Variants in NRCAM observed in about 807,000 individuals in gnomAD.
NRCAM encodes NgCAM-related cell adhesion molecule.
A neutral mutation model predicts 156.5 loss-of-function variants in NRCAM; 83 were observed. The ratio of observed to expected loss-of-function variants is 0.53; its 90% CI spans 0.44 to 0.64. NRCAM has a LOEUF of 0.64. NRCAM is among the 30% of genes least tolerant of loss of function. NRCAM has a pLI of 0.00. For synonymous variants in NRCAM, 538 were observed against 563.9 expected, an observed-to-expected ratio of 0.95 and a Z score of 0.65; for missense variants, 1,417 against 1,597.3, an observed-to-expected ratio of 0.89 and a Z score of 1.92.
chr7:108,422,773 T>C (rs751873734), intron 1 of NRCAM, among the ~76,000 whole-genome samples: 33 of 152,120 alleles, frequency 2.2e-4, no homozygotes, highest in African/African-American at 4.8e-4. Flanking sequence ...TTTCTAAATA[T>C]ATAAAAGAGG....
intron 32 of NRCAM, chr7:108,150,795 A>G (rs2041024287): frequency 2.1e-6 from 1 of 480,586 alleles, no homozygotes; most frequent in African/African-American, 2.0e-5. Flanking sequence ...AGTACACAGT[A>G]TTTTTTTGTT....
chr7:108,272,030 G>A lies in NRCAM; in HGVS notation c.-106-31860C>T, dbSNP rs552007359. Among the ~76,000 whole-genome samples, 5 of 152,218 alleles carry A rather than the reference G, an allele frequency of 3.3e-5. No homozygotes were observed. The South Asian group carries it at 1.0e-3, about 32-fold the overall frequency. On this transcript the variant is annotated intron_variant, in intron 3 of 32. Transcript: ENST00000379028. The stretch of plus-strand genomic sequence containing the variant: ...AAAGGGAAAAAGCTAAAAATGTCTT[G>A]GTACTAATTTTAACTGTATGTAATG...
intron 3 of NRCAM, among the ~76,000 whole-genome samples, chr7:108,247,760 C>T (rs1457333935): frequency 1.3e-5 from 2 of 152,178 alleles, no homozygotes; most frequent in African/African-American, 2.4e-5. Flanking sequence ...TCCCCATCTC[C>T]GTGAATCATA....
chr7:108,263,533 C>T (rs367712070), intron 3 of NRCAM, among the ~76,000 whole-genome samples: 29 of 152,244 alleles, frequency 1.9e-4, no homozygotes, highest in Admixed American at 1.0e-3. Flanking sequence ...TTCCTGCCAG[C>T]GCCATCTGGC....
intron 13 of NRCAM, among the ~76,000 whole-genome samples, chr7:108,199,363 T>C (rs961549857): frequency 1.3e-5 from 2 of 152,256 alleles, no homozygotes; most frequent in African/African-American, 4.8e-5. Context: ...CATTCTGTAA[T>C]AGTTTTCCAC....
chr7:108,430,106 T>C (rs560091318), intron 1 of NRCAM, among the ~76,000 whole-genome samples: 8 of 152,280 alleles, frequency 5.3e-5, no homozygotes, highest in African/African-American at 1.9e-4. Context: ...CAAGGAAAGA[T>C]GAGGCCAGAG....
At chr7:108,277,642 T>C (rs1424713390) in intron 3 of NRCAM, among the ~76,000 whole-genome samples, 1 of 152,102 alleles carries the variant, frequency 6.6e-6, no homozygotes, top group Non-Finnish European at 1.5e-5. Context: ...TCATCTAAGC[T>C]TTTTTCAAGG....
chr7:108,338,806 A>C (rs926656818), intron 2 of NRCAM, among the ~76,000 whole-genome samples: 1 of 152,046 alleles, frequency 6.6e-6, no homozygotes, highest in Non-Finnish European at 1.5e-5. Context: ...TAACACTCTA[A>C]TACTACCTTG....
chr7:108,162,751 T>C (rs915424308), intron 30 of NRCAM, among the ~76,000 whole-genome samples: 4 of 152,170 alleles, frequency 2.6e-5, no homozygotes, highest in East Asian at 1.9e-4. Flanking sequence ...TTATTTAAAA[T>C]AGGCAGACAC....
chr7:108,294,132 A>G (rs1374804410), intron 3 of NRCAM, among the ~76,000 whole-genome samples: 1 of 149,946 alleles, frequency 6.7e-6, no homozygotes, highest in Non-Finnish European at 1.5e-5. Context: ...CTGTAGGAGC[A>G]GTAGGGTTGA....
intron 2 of NRCAM, among the ~76,000 whole-genome samples, chr7:108,362,352 C>G (rs559677708): frequency 6.6e-6 from 1 of 152,224 alleles, no homozygotes; most frequent in South Asian, 2.1e-4. Flanking sequence ...ATATCATCAC[C>G]CTGAGGGTTC....
intron 2 of NRCAM, among the ~76,000 whole-genome samples, chr7:108,389,272 C>T (rs1259020103): frequency 1.3e-5 from 2 of 152,106 alleles, no homozygotes; most frequent in Non-Finnish European, 2.9e-5. Context: ...AGAGGTCCTT[C>T]ACATCCCTTG....
chr7:108,403,748 A>G (rs1031283370), intron 1 of NRCAM, among the ~76,000 whole-genome samples: 1 of 152,212 alleles, frequency 6.6e-6, no homozygotes, highest in African/African-American at 2.4e-5. Flanking sequence ...CAGTCAACCA[A>G]GAAGTTATGT....
chr7:108,357,754 A>G (rs1351480902), intron 2 of NRCAM, among the ~76,000 whole-genome samples: 3 of 152,188 alleles, frequency 2.0e-5, no homozygotes, highest in Non-Finnish European at 2.9e-5. Context: ...TCTCTCTCCT[A>G]TCTTCAGTAA....
chr7:108,400,282 A>T (rs1469715225), intron 1 of NRCAM, among the ~76,000 whole-genome samples: 1 of 152,230 alleles, frequency 6.6e-6, no homozygotes, highest in African/African-American at 2.4e-5. Flanking sequence ...AGAGGGTAAA[A>T]CCACAAAAGG....
Position 108,226,216 on chromosome 7 carries a change from A to G in NRCAM, c.713T>C (p.Val238Ala). ...IQQKQPISVK[V>A]ISVDELNDTI... is the part of the protein sequence containing the mutation. Reference sequence around the variant, plus strand: ...GGAAGCTGAACTCTTACCTGAAATCACCTTCACAGAAATAGGTTGCTTCTG... The same window carrying G: ...GGAAGCTGAACTCTTACCTGAAATCGCCTTCACAGAAATAGGTTGCTTCTG... The change falls in exon 9 of 33, where the codon GTG becomes GCG. Residue 238 changes from valine (V) to alanine (A), a missense_variant. Physicochemically the swap from Val to Ala is moderately conservative, Grantham distance 64 (BLOSUM62 0). Coordinates refer to ENST00000379028, the MANE Select transcript of NRCAM (RefSeq NM_001037132.4). 6.3e-7 allele frequency: 1 copy of G among 1,588,688 alleles called. No homozygotes were observed. Among genetic ancestry groups the G allele is most frequent in the East Asian group, 2.2e-5 (1 of 44,702 alleles).
At chr7:108,376,783 T>C (rs1450656825) in intron 2 of NRCAM, among the ~76,000 whole-genome samples, 1 of 152,178 alleles carries the variant, frequency 6.6e-6, no homozygotes, top group Non-Finnish European at 1.5e-5. Flanking sequence ...AGTCATTACA[T>C]AAAAGCTACT....
intron 32 of NRCAM, among the ~76,000 whole-genome samples, chr7:108,152,249 C>T (rs560640302): frequency 6.6e-6 from 1 of 152,008 alleles, no homozygotes; most frequent in African/African-American, 2.4e-5. Flanking sequence ...CCAGGAAGAC[C>T]TCATCAAGCA....
intron 1 of NRCAM, among the ~76,000 whole-genome samples, chr7:108,425,686 C>T (rs1436139288): frequency 3.3e-5 from 5 of 152,180 alleles, no homozygotes; most frequent in African/African-American, 7.2e-5. Context: ...AAAATAGCAA[C>T]GACCTAAACA....
Sources: allele counts gnomAD v4.1 joint callset (sites outside exome capture counted in the v4.1 genomes callset), GRCh38; gene constraint gnomAD v4.1.1; transcripts MANE v1.5; gene names NCBI Gene and HGNC (gene_info 2026-07-23, HGNC 2026-07-21).